The following FCRL3 variants were observed in gnomAD, a reference collection of about 807,000 sequenced individuals.
FCRL3 encodes Fc receptor-like protein 3.
Under a neutral mutation model 75.0 loss-of-function variants are expected in FCRL3, and 89 were observed. The ratio of observed to expected loss-of-function variants is 1.19; its 90% CI spans 1.00 to 1.42. The LOEUF (loss-of-function observed/expected upper bound fraction) is 1.42. Ranked by LOEUF, FCRL3 falls within the 40% of genes most tolerant of loss-of-function variation. FCRL3 has a pLI of 0.00. For synonymous variants in FCRL3, 376 were observed against 348.5 expected (o/e 1.08, Z -0.88); for missense variants, 946 against 880.0 (o/e 1.07, Z -0.95).
At position 157,676,523 on chromosome 1, in the gene FCRL3, A is replaced by G; in HGVS notation, c.*2187T>C. ...TTTTATTTTCAAAGGCTCCACTAAAATTACTTTTTTTAGATTTCTGGGCTA... is the reference window on the plus strand; with the variant it reads ...TTTTATTTTCAAAGGCTCCACTAAAGTTACTTTTTTTAGATTTCTGGGCTA... On this transcript the variant is annotated 3_prime_UTR_variant, in exon 15 of 15. Transcript: ENST00000368184. 5.7e-6 allele frequency: 3 copies of G among 524,262 alleles called. No individual in the cohort carries two copies. Among genetic ancestry groups the G allele is most frequent in the Non-Finnish European group, 1.0e-5 (3 of 301,322 alleles). The allele number at this position is 524,262 out of a possible 1,614,324, so 32.5% of individuals were successfully genotyped here.
intron 8 of FCRL3, among the ~76,000 whole-genome samples, chr1:157,692,542 T>C (rs1655617408): frequency 6.6e-6 from 1 of 152,230 alleles, no homozygotes; most frequent in African/African-American, 2.4e-5. Context: ...GGCCAAATCA[T>C]AAAAGATTTA....
At position 157,678,859 on chromosome 1, in the gene FCRL3, G is replaced by A. The variant is rs770665069; in HGVS notation, c.2059-3C>T. 6.2e-7 allele frequency: 1 copy of A among 1,613,882 alleles called. No homozygotes were observed. Among genetic ancestry groups the A allele is most frequent in the African/African-American group, 1.3e-5 (1 of 74,952 alleles). On this transcript the variant is annotated splice_polypyrimidine_tract_variant and splice_region_variant and intron_variant, in intron 14 of 14. Transcript: ENST00000368184. ...TCTGAATAGAGGACTGTAAGTTCCT[G>A]GTAGAAAAAAACACAAAAGGTAAGT...
intron 6 of FCRL3, 174 bp downstream of exon 6, chr1:157,696,966 G>T: frequency 2.0e-6 from 1 of 490,030 alleles, no homozygotes; most frequent in Non-Finnish European, 3.3e-6. Context: ...CCTGACTCAA[G>T]TGGAAGAAAA....
At chr1:157,699,795 C>G in intron 2 of FCRL3, 83 bp from the exon 3 acceptor site, 3 of 1,462,070 alleles carry the variant, frequency 2.1e-6, no homozygotes, top group Non-Finnish European at 2.8e-6. Flanking sequence ...TTTTGTTTTT[C>G]CTTATCATTT....
In FCRL3 at chr1:157,697,759, T is replaced by A. The variant is rs777914005; in HGVS notation, c.459A>T (p.Ser153=). 1.2e-6 allele frequency: 2 copies of A among 1,614,124 alleles called. No individual in the cohort carries two copies. Among genetic ancestry groups the A allele is most frequent in the South Asian group, 2.2e-5 (2 of 91,082 alleles). The change falls in exon 5 of 15, where the codon TCA becomes TCT. Residue 153 remains serine, a synonymous_variant. Coordinates refer to ENST00000368184, the MANE Select transcript of FCRL3 (RefSeq NM_052939.4). ...GATATTTGCTATTATCCCTGGAGAC[T>A]GAATTCACTGTGATCTTCTCTAAAT... ...SYNLEKITVN[S]VSRDNSKYHC... is the part of the protein sequence containing the mutation.
intron 8 of FCRL3, among the ~76,000 whole-genome samples, chr1:157,690,821 A>G (rs1391971276): frequency 2.0e-5 from 3 of 152,188 alleles, no homozygotes; most frequent in African/African-American, 7.2e-5. Flanking sequence ...TACTATAAAA[A>G]TTGGTTATTA....
Position 157,690,552 on chromosome 1 carries a change from T to A in FCRL3, c.1412-19A>T, listed in dbSNP as rs1000562785. The stretch of plus-strand genomic sequence containing the variant: ...ACCGGAACTGAGGGAGGAAAAATAG[T>A]TCACTGGCAGTTTTACTTAAGTAGG... On this transcript the variant is annotated intron_variant, in intron 8 of 14. Coordinates refer to ENST00000368184, the MANE Select transcript of FCRL3 (RefSeq NM_052939.4). 3 of 1,611,686 alleles carry A rather than the reference T, an allele frequency of 1.9e-6. No individual in the cohort carries two copies. The highest frequency in any genetic ancestry group is 2.5e-6 in the Non-Finnish European group (3 of 1,178,752).
intron 10 of FCRL3, among the ~76,000 whole-genome samples, chr1:157,687,163 AG>A (rs1655225285): frequency 2.0e-5 from 3 of 151,620 alleles, no homozygotes; most frequent in African/African-American, 7.3e-5. Flanking sequence ...AAGTCAAGCA[AG>A]CAGCCAACAA....
intron 10 of FCRL3, among the ~76,000 whole-genome samples, chr1:157,688,483 G>A (rs551241632): frequency 6.6e-6 from 1 of 152,058 alleles, no homozygotes; most frequent in South Asian, 2.1e-4. Context: ...CACAATTACA[G>A]TTAAAGATTT....
chr1:157,698,609 G>T lies in FCRL3; in HGVS notation c.73C>A (p.Leu25Ile), dbSNP rs113811878. ...EQSGVAPKAV[L>I]LLNPPWSTAF... ...GTGGACCATGGAGGATTGAGGAGAA[G>T]TACAGCTTTTGGGGCCACCCCTAAA... The change falls in exon 4 of 15, where the codon CTT (leucine) becomes ATT (isoleucine). Residue 25 changes from leucine (L) to isoleucine (I), a missense_variant. Leu to Ile is a conservative substitution (Grantham distance 5, BLOSUM62 2). Coordinates refer to ENST00000368184, the MANE Select transcript of FCRL3 (RefSeq NM_052939.4). The T allele has an allele frequency of 6.2e-7, 1 of 1,614,058 alleles. No homozygotes were observed. The highest frequency in any genetic ancestry group is 1.7e-5 in the Admixed American group (1 of 60,016).
At chr1:157,683,338 C>G in intron 10 of FCRL3, 94 bp from the exon 11 acceptor site, 1 of 1,468,880 alleles carries the variant, frequency 6.8e-7, no homozygotes, top group Middle Eastern at 1.7e-4. Flanking sequence ...CAGATTCATT[C>G]TAGATCTAAG....
At chr1:157,679,152 T>G in intron 13 of FCRL3, 179 bp from the exon 14 acceptor site, 2 of 686,348 alleles carry the variant, frequency 2.9e-6, no homozygotes, top group Non-Finnish European at 5.1e-6. Context: ...CTTCTTGATT[T>G]GCTTGATCTC....
Position 157,688,246 on chromosome 1 carries a change from A to C in FCRL3, c.1810+1552T>G, listed in dbSNP as rs117799180. Among the ~76,000 whole-genome samples, 5 of 152,246 alleles carry C rather than the reference A, an allele frequency of 3.3e-5. No homozygotes were observed. The East Asian group carries it at 9.6e-4, about 29-fold the overall frequency. ...GTACAAATAGGCTAAAAGCAAAAGG[A>C]TGGAAAAAAATCACATGCTAACACT... On this transcript the variant is annotated intron_variant, in intron 10 of 14. Transcript: ENST00000368184.
chr1:157,697,494 T>A (rs1656010639), intron 5 of FCRL3, 70 bp from the exon 6 acceptor site: 1 of 1,500,904 alleles, frequency 6.7e-7, no homozygotes, highest in African/African-American at 1.4e-5. Flanking sequence ...GCATTTGTCA[T>A]CTCAGCACCA....
In FCRL3 at chr1:157,689,893, A is replaced by G. The variant is rs1655405288; in HGVS notation, c.1715T>C (p.Leu572Pro). The G allele has an allele frequency of 6.2e-7, 1 of 1,614,190 alleles. No homozygotes were observed. The highest frequency in any genetic ancestry group is 8.5e-7 in the Non-Finnish European group (1 of 1,180,028). ...VTGTSRNRTGLTAAGITGLVL... is the reference protein window; with the variant it reads ...VTGTSRNRTGPTAAGITGLVL... ...CAGCCCCGTGATTCCCGCAGCGGTA[A>G]GGCCTGTTCTGTTCCTGGAAGTTCC... The change falls in exon 10 of 15, where the codon CTT (leucine) becomes CCT (proline). Residue 572 changes from leucine to proline, a missense_variant. Leu to Pro is a moderately conservative substitution (Grantham distance 98). Transcript: ENST00000368184.
At chr1:157,683,318 T>C in intron 10 of FCRL3, 74 bp from the exon 11 acceptor site, 1 of 1,555,014 alleles carries the variant, frequency 6.4e-7, no homozygotes, top group African/African-American at 1.4e-5. Context: ...GAACATTTTT[T>C]CCTAGAAATC....
rs1655394675 is a variant in FCRL3 at position 157,689,788 on chromosome 1, A to T, written c.1810+10T>A. On this transcript the variant is annotated intron_variant, in intron 10 of 14. Transcript: ENST00000368184. ...AAAATCACATCACAAGGTAGGACCT[A>T]GACACCCACCTGGTTTCCTTCGGGC... 1 of 1,614,034 alleles carries T rather than the reference A, an allele frequency of 6.2e-7. No individual in the cohort carries two copies. Among genetic ancestry groups the T allele is most frequent in the Non-Finnish European group, 8.5e-7 (1 of 1,180,022 alleles).
At chr1:157,689,293 TAAG>T (rs1316081574) in intron 10 of FCRL3, among the ~76,000 whole-genome samples, 2 of 152,238 alleles carry the variant, frequency 1.3e-5, no homozygotes, top group African/African-American at 4.8e-5. Flanking sequence ...ACTGAACTAA[TAAG>T]TCAGTCTAGC....
At chr1:157,689,657 C>G (rs1655384969) in intron 10 of FCRL3, 141 bp downstream of exon 10, 1 of 1,086,118 alleles carries the variant, frequency 9.2e-7, no homozygotes, top group Non-Finnish European at 1.3e-6. Flanking sequence ...GCTACAATTG[C>G]CTACAGAGTG....
Sources: allele counts gnomAD v4.1 joint callset (sites outside exome capture counted in the v4.1 genomes callset), GRCh38; gene constraint gnomAD v4.1.1; transcripts MANE v1.5; gene names NCBI Gene and HGNC (gene_info 2026-07-23, HGNC 2026-07-21).